Variants in FRAS1 observed in about 807,000 individuals in gnomAD.
FRAS1 encodes Fraser extracellular matrix complex subunit 1.
FRAS1 carries 290 observed loss-of-function variants against 435.2 expected under a neutral mutation model. The ratio of observed to expected loss-of-function variants is 0.67; its 90% CI spans 0.61 to 0.73. FRAS1 has a LOEUF of 0.73. Among genes scored for constraint, FRAS1 ranks in the 30% least tolerant of loss-of-function variants. The probability of loss-of-function intolerance (pLI) is 0.00; values close to 1 mark genes in which losing one functional copy is unlikely to be tolerated. For missense variants in FRAS1, 4,860 were observed against 5,001.5 expected, an observed-to-expected ratio of 0.97 and a Z score of 0.85; for synonymous variants, 1,800 against 1,851.0, an observed-to-expected ratio of 0.97 and a Z score of 0.71.
chr4:78,068,264 C>T (rs1419344332), intron 2 of FRAS1, among the ~76,000 whole-genome samples: 1 of 151,928 alleles, frequency 6.6e-6, no homozygotes, highest in Non-Finnish European at 1.5e-5. Flanking sequence ...ATAGAAAAGG[C>T]TCAATAGGGG....
At chr4:78,254,027 C>T (rs1446995458) in intron 5 of FRAS1, among the ~76,000 whole-genome samples, 2 of 75,066 alleles carry the variant, frequency 2.7e-5, no homozygotes, top group Non-Finnish European at 2.9e-5. Context: ...AAGACATGCT[C>T]CCCATGTAGG....
intron 2 of FRAS1, among the ~76,000 whole-genome samples, chr4:78,205,669 C>G (rs1723226165): frequency 6.6e-6 from 1 of 152,126 alleles, no homozygotes; most frequent in African/African-American, 2.4e-5. Flanking sequence ...GGCCCAGTGG[C>G]CTGGAGAACT....
At chr4:78,477,507 C>T (rs894700460) in intron 54 of FRAS1, among the ~76,000 whole-genome samples, 2 of 152,076 alleles carry the variant, frequency 1.3e-5, no homozygotes, top group African/African-American at 4.8e-5. Context: ...CTGTTGCTGC[C>T]CCAAGTGAGA....
chr4:78,313,712 CTT>C (rs1729127033), intron 15 of FRAS1, among the ~76,000 whole-genome samples: 2 of 151,364 alleles, frequency 1.3e-5, no homozygotes, highest in Admixed American at 1.3e-4. Context: ...ATCATTCAAA[CTT>C]TTCTTTTTAA....
intron 26 of FRAS1, among the ~76,000 whole-genome samples, chr4:78,376,996 A>T (rs977981896): frequency 6.6e-6 from 1 of 152,024 alleles, no homozygotes; most frequent in Non-Finnish European, 1.5e-5. Flanking sequence ...TCTGTCTCAA[A>T]AATAATAATA....
At chr4:78,417,173 A>G (rs1345226223) in intron 32 of FRAS1, among the ~76,000 whole-genome samples, 3 of 152,204 alleles carry the variant, frequency 2.0e-5, no homozygotes, top group Admixed American at 6.5e-5. Context: ...TATATGTAGT[A>G]TCTATTTCTA....
At chr4:78,503,139 G>T (rs866495489) in intron 61 of FRAS1, among the ~76,000 whole-genome samples, 1 of 152,140 alleles carries the variant, frequency 6.6e-6, no homozygotes. Context: ...GAGGATTTTC[G>T]CATTGATGGT....
At position 78,464,579 on chromosome 4, in the gene FRAS1, C is replaced by T. The variant is rs373096695; in HGVS notation, c.7025C>T (p.Thr2342Ile). The change falls in exon 49 of 74, where the codon ACA (threonine) becomes ATA (isoleucine). Residue 2342 changes from threonine (T) to isoleucine (I), a missense_variant. Thr to Ile is a moderately conservative substitution (Grantham distance 89). Transcript: ENST00000512123. ...GAGCTTAAGGCGGTGGATGCTGACA[C>T]AGAGGTAAGAGCACTTCTTCCCATG... ...EFELKAVDAD[T>I]EAESVTFTIV... The T allele has an allele frequency of 7.4e-5, 120 of 1,613,560 alleles. No individual in the cohort carries two copies. The highest frequency in any genetic ancestry group is 7.2e-5 in the Non-Finnish European group (85 of 1,179,794).
Position 78,507,537 on chromosome 4 carries a change from G to T in FRAS1, c.9433G>T (p.Val3145Leu), listed in dbSNP as rs753478587. The T allele has an allele frequency of 1.2e-6, 2 of 1,612,180 alleles. No individual in the cohort carries two copies. Among genetic ancestry groups the T allele is most frequent in the East Asian group, 2.2e-5 (1 of 44,800 alleles). ...CCCAGTGGAAGCAGTTCTTGGGGATGTGACTACTGCCACGGTGACAATTCT... is the reference window on the plus strand; with the variant it reads ...CCCAGTGGAAGCAGTTCTTGGGGATTTGACTACTGCCACGGTGACAATTCT... ...DDPVEAVLGD[V>L]TTATVTILDQ... Residue 3145 changes from valine (V) to leucine (L), a missense_variant, in exon 62 of 74, where the codon GTG becomes TTG. Val to Leu is a conservative substitution (Grantham distance 32, BLOSUM62 1). Coordinates refer to ENST00000512123, the MANE Select transcript of FRAS1 (RefSeq NM_025074.7).
chr4:78,227,259 ACATTTGAAAGT>A (rs1161715015), intron 2 of FRAS1, among the ~76,000 whole-genome samples: 2 of 152,210 alleles, frequency 1.3e-5, no homozygotes, highest in Non-Finnish European at 2.9e-5. Context: ...GAATGTCTGG[ACATTTGAAAGT>A]CATGTGAAAG....
At chr4:78,226,084 ATGTGTTAATCAT>A (rs1473810723) in intron 2 of FRAS1, among the ~76,000 whole-genome samples, 1 of 152,170 alleles carries the variant, frequency 6.6e-6, no homozygotes, top group East Asian at 1.9e-4. Context: ...AGATATTACA[ATGTGTTAATCAT>A]TGTGTTAAAC....
intron 2 of FRAS1, among the ~76,000 whole-genome samples, chr4:78,072,357 C>T (rs1296926882): frequency 6.6e-6 from 1 of 152,124 alleles, no homozygotes; most frequent in Non-Finnish European, 1.5e-5. Flanking sequence ...AGAGATAGCC[C>T]TGTAGAAATG....
chr4:78,057,890 A>G lies in FRAS1; in HGVS notation c.-120A>G. ...GTCCATCTCTTTTTCCCGGAGGTAA[A>G]GGCCCGCGGTCCCCCACCTTCAGTG... On this transcript the variant is annotated 5_prime_UTR_variant, in exon 1 of 74. Transcript: ENST00000512123. This position sits in a 1 kb window ranked among gnomAD's most constrained non-coding sequence, Gnocchi z 4.2. 1 of 825,550 alleles carries G rather than the reference A, an allele frequency of 1.2e-6. No homozygotes were observed. The highest frequency in any genetic ancestry group is 2.0e-6 in the Non-Finnish European group (1 of 505,560). The allele number at this position is 825,550 out of a possible 1,614,324, so 51.1% of individuals were successfully genotyped here.
At chr4:78,444,997 T>A (rs1291026149) in intron 41 of FRAS1, among the ~76,000 whole-genome samples, 2 of 152,220 alleles carry the variant, frequency 1.3e-5, no homozygotes, top group African/African-American at 4.8e-5. Context: ...AATGAAAACA[T>A]GCTGCAAATG....
chr4:78,251,306 C>T (rs55802115), intron 4 of FRAS1, among the ~76,000 whole-genome samples: 2,144 of 152,206 alleles, frequency 0.014, 58 homozygotes, highest in African/African-American at 0.049. Context: ...ACAGTCAAAA[C>T]AAGGTGTGGA....
intron 14 of FRAS1, among the ~76,000 whole-genome samples, chr4:78,291,756 G>T (rs1484344): frequency 0.32 from 48,402 of 152,036 alleles, 8,156 homozygotes; most frequent in East Asian, 0.38. Context: ...TGCTTATAGA[G>T]ATGTAAAATA....
intron 34 of FRAS1, among the ~76,000 whole-genome samples, 192 bp downstream of exon 34, chr4:78,422,192 C>A (rs1401753809): frequency 6.6e-6 from 1 of 151,386 alleles, no homozygotes; most frequent in Admixed American, 6.6e-5. Context: ...TCCATTTATT[C>A]ATGCATTGAG....
In FRAS1 at chr4:78,317,495, T is replaced by G; in HGVS notation, c.1947T>G (p.His649Gln). 6.2e-7 allele frequency: 1 copy of G among 1,612,950 alleles called. No homozygotes were observed. Among genetic ancestry groups the G allele is most frequent in the South Asian group, 1.1e-5 (1 of 90,900 alleles). Residue 649 changes from histidine to glutamine, a missense_variant, in exon 17 of 74, where the codon CAT becomes CAG. Transcript: ENST00000512123. Reference protein sequence around the residue: ...PRCGEGFYSDHGVCKACHSSC... With the variant: ...PRCGEGFYSDQGVCKACHSSC... The stretch of plus-strand genomic sequence containing the variant: ...GTGGAGAGGGTTTCTACTCTGACCA[T>G]GGAGTCTGCAAAGGTATCGTTGGTG...
chr4:78,323,959 G>T (rs936127345), intron 18 of FRAS1, among the ~76,000 whole-genome samples: 1 of 152,092 alleles, frequency 6.6e-6, no homozygotes, highest in Non-Finnish European at 1.5e-5. Flanking sequence ...AGTCGGGTGG[G>T]GGTGAGGTCT....
Sources: gnomAD v4.1 joint callset for allele counts (sites outside exome capture counted in the v4.1 genomes callset) on GRCh38, gnomAD v4.1.1 for gene constraint, Gnocchi (gnomAD v3.1) non-coding constraint, MANE v1.5 for transcripts, NCBI Gene and HGNC (gene_info 2026-07-23, HGNC 2026-07-21) for gene names.